SSR1: variants seen among roughly 807,000 people sequenced by gnomAD.
SSR1 encodes the protein translocon-associated protein subunit alpha.
SSR1 carries 13 observed loss-of-function variants against 36.1 expected under a neutral mutation model. The ratio of observed to expected loss-of-function variants is 0.36; its 90% CI spans 0.23 to 0.57. SSR1 has a LOEUF of 0.57. Ranked by LOEUF, SSR1 falls within the 20% of genes least tolerant of loss-of-function variation. The pLI, the probability that SSR1 is intolerant of heterozygous loss-of-function variation, is 0.81. For missense variants in SSR1, 291 were observed against 338.5 expected, an observed-to-expected ratio of 0.86 and a Z score of 1.10; for synonymous variants, 113 against 118.9, an observed-to-expected ratio of 0.95 and a Z score of 0.32.
At chr6:7,294,013 TC>T (rs1263193660) in intron 7 of SSR1, among the ~76,000 whole-genome samples, 2 of 152,090 alleles carry the variant, frequency 1.3e-5, no homozygotes, top group African/African-American at 4.8e-5. Context: ...GGAAATGGGG[TC>T]CCTTCCATAA....
chr6:7,306,727 T>C lies in SSR1; in HGVS notation c.193-3090A>G, dbSNP rs578063278. Among the ~76,000 whole-genome samples, 16 of 151,418 alleles carry C rather than the reference T, an allele frequency of 1.1e-4. No individual in the cohort carries two copies. The East Asian group carries it at 1.6e-3, about 15-fold the overall frequency. On this transcript the variant is annotated intron_variant, in intron 2 of 7. Transcript: ENST00000244763. ...GTCAGGAGATCGAGACCATCCTGGCTAACATGGTGAAACCCCGTCTCTACT... is the reference window on the plus strand; with the variant it reads ...GTCAGGAGATCGAGACCATCCTGGCCAACATGGTGAAACCCCGTCTCTACT...
chr6:7,301,577 G>T lies in SSR1; in HGVS notation c.281-5C>A. 1 of 1,599,910 alleles carries T rather than the reference G, an allele frequency of 6.3e-7. No individual in the cohort carries two copies. The highest frequency in any genetic ancestry group is 1.3e-5 in the African/African-American group (1 of 74,176). ...CAATGTTATTTGCTGGAAAATCTGA[G>T]AAACAAAATAGAGACAAAAAAATTA... On this transcript the variant is annotated splice_polypyrimidine_tract_variant and splice_region_variant and intron_variant, in intron 3 of 7. Transcript: ENST00000244763.
At chr6:7,306,023 C>G (rs1758044697) in intron 2 of SSR1, among the ~76,000 whole-genome samples, 1 of 152,208 alleles carries the variant, frequency 6.6e-6, no homozygotes, top group Admixed American at 6.5e-5. Flanking sequence ...TACTGCTTGC[C>G]TACAGGGAGA....
intron 6 of SSR1, among the ~76,000 whole-genome samples, chr6:7,297,717 G>A (rs546725316): frequency 3.9e-5 from 6 of 152,146 alleles, no homozygotes; most frequent in African/African-American, 1.4e-4. Flanking sequence ...GACAAAGTAA[G>A]ACTCTGTCTC....
intron 7 of SSR1, chr6:7,295,000 C>T: frequency 8.3e-7 from 1 of 1,211,564 alleles, no homozygotes; most frequent in Non-Finnish European, 1.1e-6. Context: ...TGTTCCATTA[C>T]TCATTAAACT....
rs1472536927 is a variant in SSR1, at chr6:7,282,475, C to T, written c.*7389G>A. On this transcript the variant is annotated 3_prime_UTR_variant, in exon 8 of 8. Coordinates refer to ENST00000244763, the MANE Select transcript of SSR1 (RefSeq NM_003144.5). ...CTCAGCTCTGAGCCCCTTGTGTGGACCACAAGCAGCACTGCAAAGTCCTCG... is the reference window on the plus strand; with the variant it reads ...CTCAGCTCTGAGCCCCTTGTGTGGATCACAAGCAGCACTGCAAAGTCCTCG... 6 of 152,398 alleles carry T rather than the reference C, an allele frequency of 3.9e-5. No individual in the cohort carries two copies. The highest frequency in any genetic ancestry group is 1.9e-4 in the East Asian group (1 of 5,192). 9.4% of individuals were successfully genotyped at this position (152,398 alleles called of 1,614,324 possible).
chr6:7,310,063 T>TAATGATAAAATACAGAAAAGCAG, intron 1 of SSR1, 34 bp from the exon 2 acceptor site: 1 of 1,555,972 alleles, frequency 6.4e-7, no homozygotes, highest in Non-Finnish European at 8.8e-7. Flanking sequence ...CAGTTACCCT[T>TAATGATAAAATACAGAAAAGCAG]TACTCTGAAA....
At chr6:7,292,054 G>C (rs1757697086) in intron 7 of SSR1, among the ~76,000 whole-genome samples, 1 of 152,124 alleles carries the variant, frequency 6.6e-6, no homozygotes, top group East Asian at 1.9e-4. Flanking sequence ...GGGTGACAGA[G>C]TGAGATCCTG....
At chr6:7,297,189 A>G (rs1344659763) in intron 6 of SSR1, 1 of 194,328 alleles carries the variant, frequency 5.1e-6, no homozygotes, top group African/African-American at 2.8e-5. Context: ...ACTGCACTCC[A>G]TCCTGGATGA....
chr6:7,289,758 A>T lies in SSR1; in HGVS notation c.*106T>A. 2 of 915,750 alleles carry T rather than the reference A, an allele frequency of 2.2e-6. No individual in the cohort carries two copies. The highest frequency in any genetic ancestry group is 3.3e-6 in the Non-Finnish European group (2 of 601,986). The allele number at this position is 915,750 out of a possible 1,614,324, so 56.7% of individuals were successfully genotyped here. On this transcript the variant is annotated 3_prime_UTR_variant, in exon 8 of 8. Transcript: ENST00000244763. ...CTGATTGCTCAGTCCACACACAAGT[A>T]GGAGTTGCCTTCTATGGTGACATGG... is the stretch of plus-strand genomic sequence containing the variant.
Position 7,286,441 on chromosome 6 carries a change from T to TTA in SSR1, c.*3421_*3422dup, listed in dbSNP as rs1757555859. On this transcript the variant is annotated 3_prime_UTR_variant, in exon 8 of 8. Transcript: ENST00000244763. The stretch of plus-strand genomic sequence containing the variant: ...CCTCAAATATCCTCTAAGGATGAGC[T>TTA]TATAGACAGATTAACTTAACAACGA... 1 of 152,234 alleles carries TTA rather than the reference T, an allele frequency of 6.6e-6. No homozygotes were observed. The highest frequency in any genetic ancestry group is 1.9e-4 in the East Asian group (1 of 5,204). The allele number at this position is 152,234 out of a possible 1,614,324, so 9.4% of individuals were successfully genotyped here.
At chr6:7,310,650 C>G (rs555872319) in intron 1 of SSR1, among the ~76,000 whole-genome samples, 1 of 152,212 alleles carries the variant, frequency 6.6e-6, no homozygotes, top group African/African-American at 2.4e-5. Flanking sequence ...GTGGCTCACG[C>G]CTGTAATCCC....
At chr6:7,303,201 T>C (rs1404276627) in intron 3 of SSR1, among the ~76,000 whole-genome samples, 1 of 146,644 alleles carries the variant, frequency 6.8e-6, no homozygotes, top group African/African-American at 2.5e-5. Context: ...TAAAGAAGTT[T>C]TAAAACATCA....
chr6:7,303,280 G>A (rs1356360907), intron 3 of SSR1, among the ~76,000 whole-genome samples: 1 of 151,012 alleles, frequency 6.6e-6, no homozygotes, highest in Non-Finnish European at 1.5e-5. Flanking sequence ...TGAGTCGAGA[G>A]GGGGCCACTG....
At chr6:7,293,855 A>C (rs1266672762) in intron 7 of SSR1, among the ~76,000 whole-genome samples, 1 of 152,242 alleles carries the variant, frequency 6.6e-6, no homozygotes, top group Non-Finnish European at 1.5e-5. Context: ...AACTATGAAT[A>C]TGTATAAAGG....
chr6:7,303,121 A>C (rs1236349612), intron 3 of SSR1, among the ~76,000 whole-genome samples: 1 of 136,238 alleles, frequency 7.3e-6, no homozygotes, highest in African/African-American at 2.8e-5. Flanking sequence ...CCTGGGTGAC[A>C]GAGCGAGACT....
Position 7,313,176 on chromosome 6 carries a change from CG to C in SSR1, c.-57del. The stretch of plus-strand genomic sequence containing the variant: ...CGGCTAAGGCTCTCGGCGGCTCCGG[CG>C]GTAATGGCGTTACTCTTCATCCGGG... On this transcript the variant is annotated 5_prime_UTR_variant, in exon 1 of 8. Coordinates refer to ENST00000244763, the MANE Select transcript of SSR1 (RefSeq NM_003144.5). 6.7e-7 allele frequency: 1 copy of C among 1,497,098 alleles called. No homozygotes were observed. Among genetic ancestry groups the C allele is most frequent in the Non-Finnish European group, 9.0e-7 (1 of 1,105,268 alleles). 92.7% of individuals were successfully genotyped at this position (1,497,098 alleles called of 1,614,324 possible).
chr6:7,306,652 C>T (rs7772757), intron 2 of SSR1, among the ~76,000 whole-genome samples: 31,315 of 150,864 alleles, frequency 0.21, 3,249 homozygotes, highest in Admixed American at 0.23. Context: ...TGCAGTGGCT[C>T]ATGCCTGTAA....
At chr6:7,307,226 G>A (rs1326739732) in intron 2 of SSR1, among the ~76,000 whole-genome samples, 1 of 151,274 alleles carries the variant, frequency 6.6e-6, no homozygotes, top group East Asian at 2.0e-4. Context: ...TGCCTTTGAG[G>A]GCCCATCTTT....
Sources: allele counts gnomAD v4.1 joint callset (sites outside exome capture counted in the v4.1 genomes callset), GRCh38; gene constraint gnomAD v4.1.1; transcripts MANE v1.5; gene names NCBI Gene and HGNC (gene_info 2026-07-23, HGNC 2026-07-21).